The following CSMD1 variants were observed in gnomAD, a reference collection of about 807,000 sequenced individuals.
The protein encoded by CSMD1 is CUB and Sushi multiple domains 1.
A neutral mutation model predicts 417.5 loss-of-function variants in CSMD1; 213 were observed. The observed-to-expected ratio is 0.51, with a 90% confidence interval of 0.46 to 0.57. The LOEUF is 0.57. CSMD1 is among the 20% of genes least tolerant of loss of function. The pLI, the probability that CSMD1 is intolerant of heterozygous loss-of-function variation, is 0.00. For missense variants in CSMD1, 6,923 were observed against 4,529.7 expected, an observed-to-expected ratio of 1.53 and a Z score of -15.17; for synonymous variants, 2,862 against 1,736.8, an observed-to-expected ratio of 1.65 and a Z score of -16.11.
chr8:4,375,451 C>T (rs1469177225), intron 3 of CSMD1, among the ~76,000 whole-genome samples: 1 of 152,104 alleles, frequency 6.6e-6, no homozygotes, highest in East Asian at 1.9e-4. Flanking sequence ...CAGAGCTGTC[C>T]TCACCCGTTT....
chr8:3,537,111 C>A (rs978801726), intron 10 of CSMD1, among the ~76,000 whole-genome samples: 1 of 152,102 alleles, frequency 6.6e-6, no homozygotes, highest in Admixed American at 6.5e-5. Flanking sequence ...TCCAGCAATT[C>A]CCCTGCCTCA....
chr8:3,439,281 G>GTGTGTATATATA (rs1407744154), intron 12 of CSMD1, among the ~76,000 whole-genome samples: 4 of 54,342 alleles, frequency 7.4e-5, no homozygotes, highest in African/African-American at 2.5e-4. Context: ...GGCAATGTCA[G>GTGTGTATATATA]TATATATATA....
At chr8:3,903,600 C>G (rs1807912001) in intron 5 of CSMD1, among the ~76,000 whole-genome samples, 1 of 152,104 alleles carries the variant, frequency 6.6e-6, no homozygotes, top group African/African-American at 2.4e-5. Flanking sequence ...ATACTTAGTT[C>G]ACTACTCTAT....
chr8:4,410,900 A>C (rs887731047), intron 3 of CSMD1, among the ~76,000 whole-genome samples: 1 of 152,210 alleles, frequency 6.6e-6, no homozygotes, highest in African/African-American at 2.4e-5. Flanking sequence ...TATAAGTTCA[A>C]TAAGATCAAT....
intron 52 of CSMD1, among the ~76,000 whole-genome samples, chr8:3,001,813 C>T (rs1359630983): frequency 1.3e-5 from 2 of 152,208 alleles, no homozygotes; most frequent in Non-Finnish European, 2.9e-5. Flanking sequence ...ACCAATGATT[C>T]TCCATACAAG....
chr8:3,582,221 G>C (rs1800413461), intron 9 of CSMD1, among the ~76,000 whole-genome samples: 1 of 152,112 alleles, frequency 6.6e-6, no homozygotes, highest in Non-Finnish European at 1.5e-5. Context: ...TTTTAGGTAG[G>C]ATTTATCCAT....
intron 10 of CSMD1, among the ~76,000 whole-genome samples, chr8:3,517,654 T>A (rs1431466265): frequency 1.3e-5 from 2 of 152,286 alleles, no homozygotes; most frequent in East Asian, 3.9e-4. Flanking sequence ...TCTGAAAGAA[T>A]TTTGGTCTAG....
At chr8:3,541,879 T>C (rs1798455256) in intron 10 of CSMD1, among the ~76,000 whole-genome samples, 2 of 152,044 alleles carry the variant, frequency 1.3e-5, no homozygotes, top group Admixed American at 6.5e-5. Context: ...CTGGCCAAAA[T>C]GGCAAAACCC....
At chr8:4,018,078 A>T (rs1418160250) in intron 4 of CSMD1, among the ~76,000 whole-genome samples, 1 of 152,210 alleles carries the variant, frequency 6.6e-6, no homozygotes, top group African/African-American at 2.4e-5. Flanking sequence ...TGCAAAAATA[A>T]GCTGGTTATT....
At chr8:4,653,936 T>C (rs936832133) in intron 1 of CSMD1, among the ~76,000 whole-genome samples, 4 of 152,080 alleles carry the variant, frequency 2.6e-5, no homozygotes, top group South Asian at 2.1e-4. Flanking sequence ...AAGTATAATA[T>C]CACAGAGGAT....
chr8:3,515,491 A>G (rs1797247108), intron 10 of CSMD1: 1 of 140,748 alleles, frequency 7.1e-6, no homozygotes, highest in Non-Finnish European at 1.5e-5. Flanking sequence ...TTTGTTCACA[A>G]GTACCACTGG....
At chr8:4,679,908 G>C (rs565204586) in intron 1 of CSMD1, among the ~76,000 whole-genome samples, 1 of 152,084 alleles carries the variant, frequency 6.6e-6, no homozygotes, top group Non-Finnish European at 1.5e-5. Flanking sequence ...TTTAAAAATA[G>C]ATTGCTGTTT....
In CSMD1 at chr8:4,452,377, C is replaced by T. The variant is rs76313423; in HGVS notation, c.303-32312G>A. Among the ~76,000 whole-genome samples, 1,452 of 152,252 alleles carry T rather than the reference C, an allele frequency of 9.5e-3. 28 individuals are homozygous for T. Among genetic ancestry groups the T allele is most frequent in the African/African-American group, 0.033 (1,375 of 41,540 alleles). On this transcript the variant is annotated intron_variant, in intron 2 of 69. Coordinates refer to ENST00000635120, the MANE Select transcript of CSMD1 (RefSeq NM_033225.6). ...TGGGGTGACAAGTACAATACAAAGGCGTAGCCTCGAGGGCTTGGGGTTCAG... is the reference window on the plus strand; with the variant it reads ...TGGGGTGACAAGTACAATACAAAGGTGTAGCCTCGAGGGCTTGGGGTTCAG...
chr8:4,499,727 G>A (rs1802159223), intron 2 of CSMD1, among the ~76,000 whole-genome samples: 1 of 152,186 alleles, frequency 6.6e-6, no homozygotes, highest in African/African-American at 2.4e-5. Context: ...GTTGATATGG[G>A]CATTGACAAG....
chr8:3,437,041 C>T (rs1028404710), intron 12 of CSMD1, among the ~76,000 whole-genome samples: 1 of 152,130 alleles, frequency 6.6e-6, no homozygotes, highest in African/African-American at 2.4e-5. Flanking sequence ...AAGTGTGGAG[C>T]TTAATTCTTA....
At chr8:4,306,229 T>C (rs1244449038) in intron 3 of CSMD1, among the ~76,000 whole-genome samples, 2 of 152,184 alleles carry the variant, frequency 1.3e-5, no homozygotes, top group African/African-American at 4.8e-5. Context: ...TCTTCCAAAA[T>C]ATCACGACAC....
intron 3 of CSMD1, among the ~76,000 whole-genome samples, chr8:4,401,995 C>A (rs1189014800): frequency 1.3e-5 from 2 of 152,116 alleles, no homozygotes; most frequent in Non-Finnish European, 2.9e-5. Context: ...GGACTCCCTG[C>A]CACATTCCTG....
rs35048709 is a variant in CSMD1, at chr8:3,943,359, T to TAA, written c.818+54542_818+54543dup. The stretch of plus-strand genomic sequence containing the variant: ...TTGTAGTGAGTGAACTCAATTTTGT[T>TAA]AAAAAAAAAAAAGTCAGATAGCTAA... On this transcript the variant is annotated intron_variant, in intron 5 of 69. Transcript: ENST00000635120. Among the ~76,000 whole-genome samples the TAA allele has an allele frequency of 5.9e-4, 81 of 138,146 alleles. No individual in the cohort carries two copies. In the South Asian group the frequency reaches 7.4e-3, roughly 13 times the overall value. 90.6% of individuals were successfully genotyped at this position (138,146 alleles called of 152,430 possible). A position where few individuals can be genotyped will look rare whatever the true frequency, so the allele number is the denominator to read the frequency against.
intron 52 of CSMD1, among the ~76,000 whole-genome samples, chr8:3,018,065 T>C (rs970149077): frequency 1.3e-5 from 2 of 152,244 alleles, no homozygotes; most frequent in African/African-American, 4.8e-5. Flanking sequence ...TACATTATTG[T>C]AGACATATAG....
Sources: allele counts gnomAD v4.1 joint callset (sites outside exome capture counted in the v4.1 genomes callset), GRCh38; gene constraint gnomAD v4.1.1; transcripts MANE v1.5; gene names NCBI Gene and HGNC (gene_info 2026-07-23, HGNC 2026-07-21).